EPAS1: variants seen among roughly 807,000 people sequenced by gnomAD.
EPAS1 encodes the protein endothelial PAS domain-containing protein 1.
A neutral mutation model predicts 87.9 loss-of-function variants in EPAS1; 23 were observed. The ratio of observed to expected loss-of-function variants is 0.26; its 90% CI spans 0.19 to 0.37. The LOEUF is 0.37. Ranked by LOEUF, EPAS1 falls within the 10% of genes least tolerant of loss-of-function variation. The pLI is 1.00. For synonymous variants in EPAS1, 508 were observed against 444.3 expected (o/e 1.14, Z -1.80); for missense variants, 1,138 against 1,120.7 (o/e 1.02, Z -0.22).
At chr2:46,316,640 T>C (rs1683345328) in intron 1 of EPAS1, among the ~76,000 whole-genome samples, 2 of 152,218 alleles carry the variant, frequency 1.3e-5, no homozygotes, top group Non-Finnish European at 2.9e-5. Flanking sequence ...CAGTGAGTCA[T>C]AATCTTCTTA....
At chr2:46,323,406 G>A (rs1395870971) in intron 1 of EPAS1, among the ~76,000 whole-genome samples, 1 of 152,218 alleles carries the variant, frequency 6.6e-6, no homozygotes, top group Non-Finnish European at 1.5e-5. Flanking sequence ...AAATGGATGG[G>A]AGGAATAAAC....
chr2:46,318,632 C>T (rs1310685914), intron 1 of EPAS1, among the ~76,000 whole-genome samples: 1 of 152,042 alleles, frequency 6.6e-6, no homozygotes, highest in Non-Finnish European at 1.5e-5. Flanking sequence ...AGTGTTGTAC[C>T]CTAACCTCTT....
intron 1 of EPAS1, among the ~76,000 whole-genome samples, chr2:46,302,477 C>G (rs963519748): frequency 1.3e-5 from 2 of 151,964 alleles, no homozygotes; most frequent in Non-Finnish European, 2.9e-5. Context: ...CTTAACAGGT[C>G]TAGCTTTTAC....
rs375421395 is a variant in EPAS1, at chr2:46,380,525, C to G, written c.1853C>G (p.Pro618Arg). 6.2e-7 allele frequency: 1 copy of G among 1,614,208 alleles called. No individual in the cohort carries two copies. The highest frequency in any genetic ancestry group is 1.1e-5 in the South Asian group (1 of 91,086). Reference sequence around the variant, plus strand: ...GATGCCGGAAGCAAAGCATCCCTGCCACCGTGCTGTGGCCAGGCCAGCACC... The same window carrying G: ...GATGCCGGAAGCAAAGCATCCCTGCGACCGTGCTGTGGCCAGGCCAGCACC... ...FFDAGSKASL[P>R]PCCGQASTPL... Residue 618 changes from proline to arginine, a missense_variant, in exon 12 of 16, where the codon CCA (proline) becomes CGA (arginine). By Grantham distance (103) the Pro-to-Arg change is moderately radical. Transcript: ENST00000263734. The surrounding 1 kb of genome is among the most constrained non-coding windows in gnomAD (Gnocchi z 4.4).
intron 1 of EPAS1, chr2:46,335,724 G>T (rs1197737595): frequency 6.6e-6 from 1 of 151,676 alleles, no homozygotes; most frequent in East Asian, 1.9e-4. Context: ...AAGAGGAGCC[G>T]GAGAGGTCCT....
intron 2 of EPAS1, among the ~76,000 whole-genome samples, chr2:46,348,849 T>G (rs1239091687): frequency 6.6e-6 from 1 of 152,246 alleles, no homozygotes; most frequent in Non-Finnish European, 1.5e-5. Context: ...TGTTGGATTT[T>G]GGAGCATTTC....
At chr2:46,348,351 G>A (rs568804600) in intron 2 of EPAS1, among the ~76,000 whole-genome samples, 1 of 152,208 alleles carries the variant, frequency 6.6e-6, no homozygotes, top group Non-Finnish European at 1.5e-5. Flanking sequence ...CCCTGGCAAG[G>A]CTTGGATTGC....
chr2:46,348,189 G>A (rs1168285129), intron 2 of EPAS1, among the ~76,000 whole-genome samples: 2 of 152,218 alleles, frequency 1.3e-5, no homozygotes, highest in African/African-American at 2.4e-5. Flanking sequence ...TGGGCCTGGG[G>A]TTGGAGGGCT....
chr2:46,379,402 T>TG (rs1684830261), intron 11 of EPAS1, among the ~76,000 whole-genome samples: 1 of 152,208 alleles, frequency 6.6e-6, no homozygotes, highest in Non-Finnish European at 1.5e-5. Context: ...GTTTGTTTCT[T>TG]GATCCTACTT....
chr2:46,363,873 G>T (rs949078687), intron 6 of EPAS1, among the ~76,000 whole-genome samples: 4 of 152,206 alleles, frequency 2.6e-5, no homozygotes, highest in African/African-American at 9.7e-5. Context: ...TAAAGACATA[G>T]AATGCTGTGT....
chr2:46,369,897 C>G lies in EPAS1; in HGVS notation c.850C>G (p.Leu284Val), dbSNP rs754443352. Residue 284 changes from leucine to valine, a missense_variant, in exon 7 of 16, where the codon CTA becomes GTA. Physicochemically the swap from Leu to Val is conservative, Grantham distance 32. This residue lies in a region of EPAS1 where 351 missense variants were observed against 417.1 expected (regional missense o/e 0.84). Transcript: ENST00000263734. ...GRSAYEFYHALDSENMTKSHQ... is the reference protein window; with the variant it reads ...GRSAYEFYHAVDSENMTKSHQ... Reference sequence around the variant, plus strand: ...CTCAGCCTATGAATTCTACCATGCGCTAGACTCCGAGAACATGACCAAGAG... The same window carrying G: ...CTCAGCCTATGAATTCTACCATGCGGTAGACTCCGAGAACATGACCAAGAG... The G allele has an allele frequency of 6.2e-7, 1 of 1,612,720 alleles. No homozygotes were observed. The highest frequency in any genetic ancestry group is 8.5e-7 in the Non-Finnish European group (1 of 1,179,414).
At chr2:46,330,754 G>C (rs1683658145) in intron 1 of EPAS1, among the ~76,000 whole-genome samples, 1 of 152,212 alleles carries the variant, frequency 6.6e-6, no homozygotes, top group South Asian at 2.1e-4. Flanking sequence ...TAGGAGGGAT[G>C]GTCCCAAGCA....
intron 1 of EPAS1, among the ~76,000 whole-genome samples, chr2:46,345,911 C>A (rs952207093): frequency 6.6e-6 from 1 of 152,246 alleles, no homozygotes; most frequent in East Asian, 1.9e-4. Flanking sequence ...CATAAATTAT[C>A]ACATTTAGTC....
chr2:46,375,982 A>T lies in EPAS1; in HGVS notation c.1034+145A>T, dbSNP rs550930391. 11 of 1,074,928 alleles carry T rather than the reference A, an allele frequency of 1.0e-5. No individual in the cohort carries two copies. In the Admixed American group the frequency reaches 1.8e-4, roughly 18 times the overall value. 66.6% of individuals were successfully genotyped at this position (1,074,928 alleles called of 1,614,324 possible). A position where few individuals can be genotyped will look rare whatever the true frequency, so the allele number is the denominator to read the frequency against. Reference sequence around the variant, plus strand: ...AGGGAGGTCTTGCAGGGCTAACCCTAGTGACTGAGAGGACTTCCTGTGGAT... The same window carrying T: ...AGGGAGGTCTTGCAGGGCTAACCCTTGTGACTGAGAGGACTTCCTGTGGAT... On this transcript the variant is annotated intron_variant, in intron 8 of 15. Transcript: ENST00000263734. The surrounding 1 kb of genome is among the most constrained non-coding windows in gnomAD (Gnocchi z 4.1).
In EPAS1 at chr2:46,327,328, A is replaced by G. The variant is rs146114637; in HGVS notation, c.27-19545A>G. Among the ~76,000 whole-genome samples the G allele has an allele frequency of 4.5e-3, 682 of 152,334 alleles. 6 individuals are homozygous for G. Among genetic ancestry groups the G allele is most frequent in the African/African-American group, 0.016 (666 of 41,560 alleles). On this transcript the variant is annotated intron_variant, in intron 1 of 15. Transcript: ENST00000263734. ...CTAAGTGAGGAGAGGACATTAATAT[A>G]CAGGAGAGTATTAGAGAATTAGAGA...
intron 1 of EPAS1, among the ~76,000 whole-genome samples, chr2:46,312,155 G>C (rs894699369): frequency 3.0e-4 from 45 of 152,300 alleles, no homozygotes; most frequent in African/African-American, 1.1e-3. Context: ...GCGTTGGGAT[G>C]ACCACAGGGT....
intron 1 of EPAS1, among the ~76,000 whole-genome samples, chr2:46,315,763 G>A (rs1683300202): frequency 6.6e-6 from 1 of 152,256 alleles, no homozygotes; most frequent in African/African-American, 2.4e-5. Flanking sequence ...TCACCCAGGG[G>A]TGCTCTGGGC....
Position 46,347,100 on chromosome 2 carries a change from C to A in EPAS1, c.217+37C>A, listed in dbSNP as rs1684045234. On this transcript the variant is annotated intron_variant, in intron 2 of 15. Coordinates refer to ENST00000263734, the MANE Select transcript of EPAS1 (RefSeq NM_001430.5). This position sits in a 1 kb window ranked among gnomAD's most constrained non-coding sequence, Gnocchi z 4.2. ...AGGCTCCCCTAGGCTGGGCAGATGC[C>A]AGCCTTACCAGCATGTTCCTATATG... 3 of 1,611,804 alleles carry A rather than the reference C, an allele frequency of 1.9e-6. No homozygotes were observed. Among genetic ancestry groups the A allele is most frequent in the Non-Finnish European group, 2.5e-6 (3 of 1,177,924 alleles).
chr2:46,368,119 G>A (rs549309692), intron 6 of EPAS1, among the ~76,000 whole-genome samples: 1 of 152,278 alleles, frequency 6.6e-6, no homozygotes, highest in Non-Finnish European at 1.5e-5. Flanking sequence ...AGGAGAAAGT[G>A]GTCCCTGAGT....
Sources: gnomAD v4.1 joint callset for allele counts (sites outside exome capture counted in the v4.1 genomes callset) on GRCh38, gnomAD v4.1.1 for gene constraint, gnomAD v4.1.1 regional missense constraint, Gnocchi (gnomAD v3.1) non-coding constraint, MANE v1.5 for transcripts, NCBI Gene and HGNC (gene_info 2026-07-23, HGNC 2026-07-21) for gene names.